Variants in ASMT observed in about 807,000 individuals in gnomAD.
ASMT encodes acetylserotonin O-methyltransferase.
ASMT carries 53 observed loss-of-function variants against 41.3 expected under a neutral mutation model. The observed-to-expected ratio is 1.28, with a 90% confidence interval of 1.03 to 1.61. ASMT has a LOEUF of 1.61. Among genes scored for constraint, ASMT ranks in the 40% most tolerant of loss-of-function variants. ASMT has a pLI of 0.00. For missense variants in ASMT, 531 were observed against 441.3 expected, an observed-to-expected ratio of 1.20 and a Z score of -1.82; for synonymous variants, 231 against 184.8, an observed-to-expected ratio of 1.25 and a Z score of -2.03.
chrX:1,616,444 G>A (rs1440952020), intron 1 of ASMT, among the ~76,000 whole-genome samples: 1 of 151,444 alleles, frequency 6.6e-6, no homozygotes, highest in Non-Finnish European at 1.5e-5. Context: ...CAGAGGCTGG[G>A]CAGGACTGCG....
At chrX:1,635,885 A>G (rs1934940238) in intron 7 of ASMT, among the ~76,000 whole-genome samples, 1 of 152,006 alleles carries the variant, frequency 6.6e-6, no homozygotes, top group Non-Finnish European at 1.5e-5. Context: ...AAACAAAAAA[A>G]CAAAAAAGAA....
rs368180311 is a variant in ASMT, at chrX:1,627,356, TCA to T, written c.375-343_375-342del. ...ATAAAATAAGGCCAGGTGTGGTGGC[TCA>T]CACCTGTAACCCCACCACTTTGGGA... On this transcript the variant is annotated intron_variant, in intron 3 of 8. Transcript: ENST00000381241. Among the ~76,000 whole-genome samples, 17 of 145,120 alleles carry T rather than the reference TCA, an allele frequency of 1.2e-4. 1 individual carries two copies. The highest frequency in any genetic ancestry group is 3.9e-4 in the African/African-American group (15 of 38,734).
intron 4 of ASMT, 98 bp from the exon 5 acceptor site, chrX:1,629,723 G>A: frequency 3.7e-6 from 4 of 1,081,452 alleles, no homozygotes; most frequent in Middle Eastern, 2.2e-4. Flanking sequence ...TGCACCTGTG[G>A]GGTATAGCTC....
chrX:1,616,962 C>T (rs1934155247), intron 1 of ASMT, among the ~76,000 whole-genome samples: 3 of 152,152 alleles, frequency 2.0e-5, no homozygotes, highest in Admixed American at 6.5e-5. Flanking sequence ...CCCGCCTCGG[C>T]CTCCCAAAGT....
At chrX:1,625,869 G>T (rs1354041281) in intron 3 of ASMT, among the ~76,000 whole-genome samples, 2 of 149,746 alleles carry the variant, frequency 1.3e-5, no homozygotes, top group Non-Finnish European at 3.0e-5. Flanking sequence ...GCAGGAAAAT[G>T]GTGTGAACCC....
intron 1 of ASMT, among the ~76,000 whole-genome samples, chrX:1,617,265 T>A (rs1198987180): frequency 6.6e-6 from 1 of 150,488 alleles, no homozygotes; most frequent in African/African-American, 2.4e-5. Flanking sequence ...AGGTCAGGAG[T>A]TCAAGACCAG....
In ASMT at chrX:1,615,243, A is replaced by C. The variant is rs185229802; in HGVS notation, c.44A>C (p.Tyr15Ser). The C allele has an allele frequency of 2.4e-4, 383 of 1,597,874 alleles. 3 individuals are homozygous for C. In the East Asian group the frequency reaches 7.4e-3, roughly 31 times the overall value. The stretch of plus-strand genomic sequence containing the variant: ...CAGGCCTATCGCCTCCTTAATGACT[A>C]CGCCAACGGCTTCATGGTGTCCCAG... ...EDQAYRLLNDYANGFMVSQVL... is the reference protein window; with the variant it reads ...EDQAYRLLNDSANGFMVSQVL... The change falls in exon 1 of 9, where the codon TAC becomes TCC. Residue 15 changes from tyrosine to serine, a missense_variant. Transcript: ENST00000381241.
At chrX:1,625,381 A>G (rs1295105916) in intron 3 of ASMT, among the ~76,000 whole-genome samples, 5 of 151,446 alleles carry the variant, frequency 3.3e-5, no homozygotes, top group Admixed American at 6.6e-5. Context: ...CTGTAGTCCC[A>G]GCTACTCAGG....
intron 5 of ASMT, among the ~76,000 whole-genome samples, chrX:1,631,996 C>T (rs1235587900): frequency 2.0e-5 from 3 of 152,068 alleles, no homozygotes; most frequent in African/African-American, 7.2e-5. Context: ...TTGCAGTGAG[C>T]TGAGATCGCG....
At chrX:1,620,166 C>CTTTTTTTT (rs1180256764) in intron 1 of ASMT, among the ~76,000 whole-genome samples, 1 of 95,372 alleles carries the variant, frequency 1.0e-5, no homozygotes, top group African/African-American at 4.4e-5. Flanking sequence ...ATTAATATAG[C>CTTTTTTTT]TTTTTTTTTT....
chrX:1,640,495 C>T (rs781507881), intron 8 of ASMT, among the ~76,000 whole-genome samples: 4 of 54,680 alleles, frequency 7.3e-5, no homozygotes, highest in African/African-American at 1.4e-4. Flanking sequence ...GAGGTCCACC[C>T]ATCCTGATGC....
At chrX:1,625,130 A>G in intron 3 of ASMT, among the ~76,000 whole-genome samples, 1 of 132,856 alleles carries the variant, frequency 7.5e-6, no homozygotes, top group African/African-American at 3.0e-5. Flanking sequence ...TTTGAGATGG[A>G]GTCTTGCTCT....
intron 4 of ASMT, 79 bp from the exon 5 acceptor site, chrX:1,629,742 A>G (rs1934698045): frequency 1.5e-6 from 2 of 1,324,658 alleles, no homozygotes; most frequent in Non-Finnish European, 2.2e-6. Context: ...TCCGTTCTCA[A>G]CAGGGGGTTA....
chrX:1,627,982 C>T, intron 4 of ASMT: 3 of 630,998 alleles, frequency 4.8e-6, no homozygotes, highest in Non-Finnish European at 2.9e-6. Context: ...GCAACGTGAC[C>T]CTTCCTTCGA....
rs1934398947 is a variant in ASMT at position 1,623,194 on chromosome X, G to T, written c.125G>T (p.Gly42Val). 1 of 1,613,200 alleles carries T rather than the reference G, an allele frequency of 6.2e-7. No individual in the cohort carries two copies. Among genetic ancestry groups the T allele is most frequent in the African/African-American group, 1.3e-5 (1 of 74,878 alleles). Residue 42 changes from glycine (G) to valine (V), a missense_variant, in exon 2 of 9, where the codon GGG becomes GTG. Physicochemically the swap from Gly to Val is moderately radical, Grantham distance 109. Transcript: ENST00000381241. ...TTTGACCTTCTCGCCGAGGCCCCAG[G>T]GCCCCTGGACGTGGCGGCAGTGGCT... is the stretch of plus-strand genomic sequence containing the variant. ...GVFDLLAEAP[G>V]PLDVAAVAAG...
chrX:1,636,921 G>A (rs1409597347), intron 8 of ASMT, among the ~76,000 whole-genome samples: 11 of 107,406 alleles, frequency 1.0e-4, no homozygotes, highest in African/African-American at 3.0e-4. Flanking sequence ...CTCTGTGTGT[G>A]ATGGGGACAG....
At chrX:1,637,086 A>T (rs1462377852) in intron 8 of ASMT, among the ~76,000 whole-genome samples, 4 of 103,282 alleles carry the variant, frequency 3.9e-5, no homozygotes, top group South Asian at 6.3e-4. Flanking sequence ...TGTGTGTGAG[A>T]TAAGGACTGT....
At chrX:1,618,125 C>A (rs1207028576) in intron 1 of ASMT, among the ~76,000 whole-genome samples, 1 of 149,714 alleles carries the variant, frequency 6.7e-6, no homozygotes, top group African/African-American at 2.5e-5. Context: ...ATTACAGGTG[C>A]CTGCCACCAA....
At chrX:1,625,682 C>T (rs1281125642) in intron 3 of ASMT, among the ~76,000 whole-genome samples, 1 of 151,724 alleles carries the variant, frequency 6.6e-6, no homozygotes, top group Non-Finnish European at 1.5e-5. Flanking sequence ...TGGCCGGACG[C>T]AGTAGCCCAT....
Sources: gnomAD v4.1 joint callset for allele counts (sites outside exome capture counted in the v4.1 genomes callset) on GRCh38, gnomAD v4.1.1 for gene constraint, MANE v1.5 for transcripts, NCBI Gene and HGNC (gene_info 2026-07-23, HGNC 2026-07-21) for gene names.